Variants in OSBPL10 observed in about 807,000 individuals in gnomAD.
The protein encoded by OSBPL10 is oxysterol-binding protein-related protein 10.
In OSBPL10, 49 loss-of-function variants were observed where a neutral mutation model predicts 81.7. The observed-to-expected ratio is 0.60, with a 90% CI of 0.48 to 0.76. The LOEUF (loss-of-function observed/expected upper bound fraction) is 0.76, where lower values mean the gene tolerates loss of function less well. OSBPL10 is among the 30% of genes least tolerant of loss of function. The pLI, the probability that OSBPL10 is intolerant of heterozygous loss-of-function variation, is 0.00. For synonymous variants in OSBPL10, 419 were observed against 383.6 expected (o/e 1.09, Z -1.08); for missense variants, 923 against 987.8 (o/e 0.93, Z 0.88).
chr3:31,984,733 T>C (rs1273682366), upstream of OSBPL10, among the ~76,000 whole-genome samples: 1 of 152,202 alleles, frequency 6.6e-6, no homozygotes, highest in Non-Finnish European at 1.5e-5. Flanking sequence ...AAAGGTAGTT[T>C]GGTGTTCAAA....
At chr3:31,743,003 T>C (rs1697400112) in intron 5 of OSBPL10, among the ~76,000 whole-genome samples, 1 of 150,724 alleles carries the variant, frequency 6.6e-6, no homozygotes. Flanking sequence ...AGCTGCATAA[T>C]TTAAGTCTTG....
intron 3 of OSBPL10, among the ~76,000 whole-genome samples, chr3:31,869,289 T>G (rs1228160747): frequency 6.6e-6 from 1 of 152,178 alleles, no homozygotes; most frequent in African/African-American, 2.4e-5. Context: ...AAACAGGTCT[T>G]CTCACTCTGA....
intron 7 of OSBPL10, among the ~76,000 whole-genome samples, chr3:31,698,234 G>C (rs1353851213): frequency 6.6e-6 from 1 of 151,912 alleles, no homozygotes; most frequent in African/African-American, 2.4e-5. Flanking sequence ...TGGATCACTT[G>C]AGGTCAGGAG....
In OSBPL10 at chr3:31,836,988, C is replaced by T. The variant is rs532662137; in HGVS notation, c.538-6757G>A. ...TCCTTTCCTTTTATAGATCTAAAGTCTACAGCTCCCAAAAGGTAAATGAAT... is the reference window on the plus strand; with the variant it reads ...TCCTTTCCTTTTATAGATCTAAAGTTTACAGCTCCCAAAAGGTAAATGAAT... On this transcript the variant is annotated intron_variant, in intron 3 of 11. Transcript: ENST00000396556. Among the ~76,000 whole-genome samples the T allele has an allele frequency of 6.2e-4, 95 of 152,214 alleles. 2 individuals carry two copies. The South Asian group carries it at 0.019, about 31-fold the overall frequency.
chr3:31,911,314 G>A lies in OSBPL10; in HGVS notation c.282-31484C>T, dbSNP rs558457551. ...CAAATGGGCATGACTGTGTCCCAAC[G>A]AAACTTTATGTATAAAGAAAACAGT... is the stretch of plus-strand genomic sequence containing the variant. On this transcript the variant is annotated intron_variant, in intron 1 of 11. Coordinates refer to ENST00000396556, the MANE Select transcript of OSBPL10 (RefSeq NM_017784.5). Among the ~76,000 whole-genome samples, 16 of 152,238 alleles carry A rather than the reference G, an allele frequency of 1.1e-4. No homozygotes were observed. In the South Asian group the frequency reaches 1.5e-3, roughly 14 times the overall value.
At chr3:31,946,967 C>G (rs764809102) in intron 1 of OSBPL10, among the ~76,000 whole-genome samples, 3 of 152,124 alleles carry the variant, frequency 2.0e-5, no homozygotes, top group Non-Finnish European at 4.4e-5. Context: ...ACCAGAGAGG[C>G]AGCTACGGCT....
chr3:31,682,805 C>G (rs1398594327), intron 8 of OSBPL10, among the ~76,000 whole-genome samples: 2 of 152,132 alleles, frequency 1.3e-5, no homozygotes, highest in African/African-American at 4.8e-5. Context: ...GCTCAAGTAA[C>G]CACAGCTCCT....
intron 3 of OSBPL10, among the ~76,000 whole-genome samples, chr3:31,846,556 TG>T (rs112202420): frequency 3.9e-5 from 6 of 151,990 alleles, no homozygotes; most frequent in African/African-American, 1.5e-4. Flanking sequence ...CGCTTGAACC[TG>T]GGAGGCGGAG....
chr3:31,827,925 G>C (rs1005425040), intron 4 of OSBPL10, among the ~76,000 whole-genome samples: 3 of 152,056 alleles, frequency 2.0e-5, no homozygotes, highest in African/African-American at 7.2e-5. Flanking sequence ...ACATTCTGTT[G>C]AATCAAACGC....
chr3:31,990,568 C>G, intron 2 of OSBPL10: 1 of 1,613,676 alleles, frequency 6.2e-7, no homozygotes, highest in Non-Finnish European at 8.5e-7. Flanking sequence ...CAATTCAGCC[C>G]TTGTAATTCA....
At chr3:31,972,262 G>A (rs534246357) in intron 1 of OSBPL10, among the ~76,000 whole-genome samples, 25 of 152,278 alleles carry the variant, frequency 1.6e-4, no homozygotes, top group Admixed American at 4.6e-4. Flanking sequence ...GGTGGCGGAC[G>A]CCTGTAATTC....
chr3:32,031,453 T>G (rs539501918), intron 2 of OSBPL10, among the ~76,000 whole-genome samples: 181 of 151,234 alleles, frequency 1.2e-3, no homozygotes, highest in Non-Finnish European at 2.1e-3. Flanking sequence ...CTGAAAGGCT[T>G]CTTAAATAAT....
chr3:31,818,154 C>T (rs558969347), intron 4 of OSBPL10, among the ~76,000 whole-genome samples: 2 of 152,100 alleles, frequency 1.3e-5, no homozygotes, highest in South Asian at 4.2e-4. Flanking sequence ...TGTGAGGGTG[C>T]TTTTTAGGTG....
At chr3:31,797,833 A>G (rs11129465) in intron 4 of OSBPL10, 1 of 455,252 alleles carries the variant, frequency 2.2e-6, no homozygotes, top group East Asian at 7.0e-5. Context: ...TGAGCATACA[A>G]GCCTTCACCT....
intron 2 of OSBPL10, among the ~76,000 whole-genome samples, chr3:31,994,018 C>T (rs1699063372): frequency 6.6e-6 from 1 of 152,134 alleles, no homozygotes; most frequent in Non-Finnish European, 1.5e-5. Flanking sequence ...AACTATGGTA[C>T]ATGTATACAA....
At chr3:31,732,968 G>T in intron 6 of OSBPL10, 2 of 442,382 alleles carry the variant, frequency 4.5e-6, no homozygotes, top group Non-Finnish European at 8.0e-6. Flanking sequence ...CCATGTTAAC[G>T]GGTCTGTTCG....
At chr3:32,071,138 T>A (rs939057476) in intron 1 of OSBPL10, among the ~76,000 whole-genome samples, 7 of 152,214 alleles carry the variant, frequency 4.6e-5, no homozygotes, top group African/African-American at 1.7e-4. Flanking sequence ...GGTATCCCCC[T>A]CCAAAGCTCA....
At chr3:31,973,337 A>G (rs1003337107) in intron 1 of OSBPL10, among the ~76,000 whole-genome samples, 7 of 152,194 alleles carry the variant, frequency 4.6e-5, no homozygotes, top group African/African-American at 1.7e-4. Flanking sequence ...AGATTTGCCA[A>G]GGCTGGGGCT....
intron 5 of OSBPL10, among the ~76,000 whole-genome samples, chr3:31,738,758 C>T (rs1390221966): frequency 3.9e-5 from 6 of 152,218 alleles, no homozygotes; most frequent in African/African-American, 1.2e-4. Flanking sequence ...ACAACCCAGA[C>T]TCCTACGCTA....
Sources: allele counts gnomAD v4.1 joint callset (sites outside exome capture counted in the v4.1 genomes callset), GRCh38; gene constraint gnomAD v4.1.1; transcripts MANE v1.5; gene names NCBI Gene and HGNC (gene_info 2026-07-23, HGNC 2026-07-21).